The following PARD3B variants were observed in gnomAD, a reference collection of about 807,000 sequenced individuals.
The protein encoded by PARD3B is par-3 family cell polarity regulator beta, also known as partitioning defective 3 homolog B.
PARD3B carries 103 observed loss-of-function variants against 130.2 expected under a neutral mutation model. The ratio of observed to expected loss-of-function variants is 0.79; its 90% confidence interval spans 0.67 to 0.93. The LOEUF (loss-of-function observed/expected upper bound fraction) is 0.93. Among genes scored for constraint, PARD3B ranks in the 40% least tolerant of loss-of-function variants. PARD3B has a pLI of 0.00. For missense variants in PARD3B, 1,609 were observed against 1,499.2 expected (o/e 1.07, Z -1.21); for synonymous variants, 583 against 553.2 (o/e 1.05, Z -0.76).
chr2:205,527,875 T>C (rs2051407697), intron 21 of PARD3B, among the ~76,000 whole-genome samples: 1 of 152,182 alleles, frequency 6.6e-6, no homozygotes, highest in African/African-American at 2.4e-5. Context: ...TCCAATTCTC[T>C]CTACTGTAAA....
chr2:205,175,423 G>A (rs1302714543), intron 12 of PARD3B, among the ~76,000 whole-genome samples: 1 of 152,190 alleles, frequency 6.6e-6, no homozygotes, highest in African/African-American at 2.4e-5. Context: ...TTCAGCAGCT[G>A]AAAACATTTT....
At chr2:204,746,316 AT>A (rs1236142113) in intron 2 of PARD3B, among the ~76,000 whole-genome samples, 20 of 151,602 alleles carry the variant, frequency 1.3e-4, no homozygotes, top group Non-Finnish European at 2.4e-4. Context: ...TGAACTCATC[AT>A]TTTTTATGGC....
chr2:205,392,655 A>C (rs1313685900), intron 18 of PARD3B, among the ~76,000 whole-genome samples: 1 of 152,152 alleles, frequency 6.6e-6, no homozygotes, highest in African/African-American at 2.4e-5. Context: ...TAAAGCATCA[A>C]CTCACTCAGT....
At chr2:205,581,131 C>T (rs1322501613) in intron 22 of PARD3B, among the ~76,000 whole-genome samples, 2 of 151,592 alleles carry the variant, frequency 1.3e-5, no homozygotes, top group African/African-American at 4.8e-5. Flanking sequence ...GATATCTGCC[C>T]TCCCACGTTT....
chr2:205,029,827 T>A (rs541108186), intron 3 of PARD3B, among the ~76,000 whole-genome samples: 2 of 152,240 alleles, frequency 1.3e-5, no homozygotes, highest in East Asian at 1.9e-4. Context: ...TGTGGAAGTG[T>A]ATTACCAGAC....
chr2:205,096,933 T>C (rs370172067), intron 4 of PARD3B, among the ~76,000 whole-genome samples: 17 of 152,328 alleles, frequency 1.1e-4, no homozygotes, highest in African/African-American at 4.1e-4. Flanking sequence ...ATCTTTTCCT[T>C]ACCCTGTTTG....
At chr2:204,640,513 AT>A (rs1342216450) in intron 1 of PARD3B, among the ~76,000 whole-genome samples, 2 of 152,176 alleles carry the variant, frequency 1.3e-5, no homozygotes, top group Non-Finnish European at 2.9e-5. Flanking sequence ...CCTCTTCAGC[AT>A]TCTGGTAACT....
At chr2:205,242,661 A>G (rs1181713405) in intron 15 of PARD3B, among the ~76,000 whole-genome samples, 2 of 152,138 alleles carry the variant, frequency 1.3e-5, no homozygotes, top group Non-Finnish European at 2.9e-5. Context: ...GTTCTTTATA[A>G]TCCTGAGCAA....
chr2:204,655,367 A>G (rs1159913023), intron 1 of PARD3B, among the ~76,000 whole-genome samples: 3 of 151,984 alleles, frequency 2.0e-5, no homozygotes, highest in African/African-American at 2.4e-5. Flanking sequence ...CTTCCTCAGA[A>G]TCTTGCTTCT....
At chr2:204,731,106 T>G (rs1233701712) in intron 2 of PARD3B, among the ~76,000 whole-genome samples, 2 of 152,216 alleles carry the variant, frequency 1.3e-5, no homozygotes, top group African/African-American at 4.8e-5. Context: ...CATATCTCAC[T>G]CCCTAGTGAT....
chr2:205,518,285 A>G (rs2050879789), intron 21 of PARD3B, among the ~76,000 whole-genome samples: 1 of 152,160 alleles, frequency 6.6e-6, no homozygotes, highest in Non-Finnish European at 1.5e-5. Flanking sequence ...ATATATATTT[A>G]GGATAGTTAG....
intron 2 of PARD3B, among the ~76,000 whole-genome samples, chr2:204,712,221 A>G (rs2038474277): frequency 6.6e-6 from 1 of 152,248 alleles, no homozygotes; most frequent in South Asian, 2.1e-4. Context: ...TACTCTGCGA[A>G]GAAAGTTTGA....
intron 19 of PARD3B, among the ~76,000 whole-genome samples, chr2:205,431,974 G>A: frequency 6.6e-6 from 1 of 152,000 alleles, no homozygotes; most frequent in East Asian, 1.9e-4. Context: ...TACATTATGA[G>A]AACTGTTATA....
intron 1 of PARD3B, among the ~76,000 whole-genome samples, chr2:204,602,504 A>G (rs1222797585): frequency 6.6e-6 from 1 of 152,096 alleles, no homozygotes; most frequent in Non-Finnish European, 1.5e-5. Flanking sequence ...TATTATTTCT[A>G]CACACACCAT....
Position 204,678,679 on chromosome 2 carries a change from G to C in PARD3B, c.121-7502G>C, listed in dbSNP as rs2036673419. Among the ~76,000 whole-genome samples the C allele has an allele frequency of 6.6e-6, 1 of 152,002 alleles. No homozygotes were observed. Among genetic ancestry groups the C allele is most frequent in the Non-Finnish European group, 1.5e-5 (1 of 67,988 alleles). ...CTGATGCGCAGTTGCTTCTCCTCTC[G>C]ATGTTCAGCCGCTTGTCTCTCTGCC... On this transcript the variant is annotated intron_variant, in intron 1 of 22. Transcript: ENST00000406610. The surrounding 1 kb of genome is among the most constrained non-coding windows in gnomAD (Gnocchi z 4.2).
At chr2:205,599,151 T>C (rs150013142) in intron 22 of PARD3B, among the ~76,000 whole-genome samples, 1 of 152,246 alleles carries the variant, frequency 6.6e-6, no homozygotes, top group East Asian at 1.9e-4. Flanking sequence ...GACATGCTCA[T>C]TTCTTTCAAC....
At chr2:205,066,202 C>G (rs1056598682) in intron 4 of PARD3B, among the ~76,000 whole-genome samples, 15 of 152,172 alleles carry the variant, frequency 9.9e-5, no homozygotes, top group African/African-American at 3.4e-4. Context: ...GGCTGAGGTA[C>G]TAATCTTAAT....
intron 2 of PARD3B, among the ~76,000 whole-genome samples, chr2:204,926,345 G>A (rs900347274): frequency 2.6e-5 from 4 of 152,098 alleles, no homozygotes; most frequent in African/African-American, 7.2e-5. Flanking sequence ...GACATCTGTA[G>A]CAGCTAATTA....
intron 11 of PARD3B, among the ~76,000 whole-genome samples, chr2:205,164,641 C>G (rs929221866): frequency 2.0e-5 from 3 of 151,424 alleles, no homozygotes; most frequent in African/African-American, 7.3e-5. Flanking sequence ...ATTTTGGACT[C>G]CGTGATTGTC....
Sources: allele counts gnomAD v4.1 joint callset (sites outside exome capture counted in the v4.1 genomes callset), GRCh38; gene constraint gnomAD v4.1.1; non-coding constraint Gnocchi (gnomAD v3.1); transcripts MANE v1.5; gene names NCBI Gene and HGNC (gene_info 2026-07-23, HGNC 2026-07-21).